Variants in MAST4 observed in about 807,000 individuals in gnomAD.
MAST4 encodes microtubule-associated serine/threonine-protein kinase 4.
In MAST4, 89 loss-of-function variants were observed where a neutral mutation model predicts 162.7. The observed-to-expected ratio is 0.55, with a 90% CI of 0.46 to 0.65. The LOEUF (loss-of-function observed/expected upper bound fraction) is 0.65, where lower values mean the gene tolerates loss of function less well. Among genes scored for constraint, MAST4 ranks in the 30% least tolerant of loss-of-function variants. The pLI is 0.00. For missense variants in MAST4, 3,153 were observed against 3,374.0 expected (o/e 0.93, Z 1.62); for synonymous variants, 1,479 against 1,361.1 (o/e 1.09, Z -1.91).
chr5:67,060,475 ATTTTTTTTT>A (rs71610552), intron 5 of MAST4, among the ~76,000 whole-genome samples: 6 of 120,600 alleles, frequency 5.0e-5, no homozygotes, highest in Non-Finnish European at 8.4e-5. Flanking sequence ...GAGTATCACA[ATTTTTTTTT>A]TTTTTTTTTT....
intron 4 of MAST4, among the ~76,000 whole-genome samples, chr5:66,974,173 G>A (rs1352254059): frequency 2.6e-5 from 4 of 152,154 alleles, no homozygotes; most frequent in Non-Finnish European, 5.9e-5. Flanking sequence ...GTTTCTTATA[G>A]CGAATATCTC....
chr5:67,157,955 G>A (rs780958161), intron 26 of MAST4, among the ~76,000 whole-genome samples: 22 of 152,204 alleles, frequency 1.4e-4, no homozygotes, highest in African/African-American at 4.8e-4. Flanking sequence ...AGAAAAGAGT[G>A]GAACTGGATT....
intron 4 of MAST4, chr5:67,001,426 A>G (rs1751280663): frequency 6.6e-6 from 1 of 151,610 alleles, no homozygotes; most frequent in African/African-American, 2.4e-5. Flanking sequence ...ATACAACCCA[A>G]ATCCTCTCAA....
At chr5:66,815,439 G>C (rs1357436486) in intron 3 of MAST4, among the ~76,000 whole-genome samples, 3 of 151,930 alleles carry the variant, frequency 2.0e-5, no homozygotes, top group African/African-American at 7.3e-5. Context: ...ATCTCTTACT[G>C]TACCTAATTT....
intron 4 of MAST4, among the ~76,000 whole-genome samples, chr5:66,911,885 A>G (rs1054906551): frequency 1.3e-5 from 2 of 152,234 alleles, no homozygotes; most frequent in African/African-American, 4.8e-5. Context: ...ATAGTGCAGA[A>G]AAAATGATTT....
At chr5:66,915,266 CAAAAAAA>C (rs70987147) in intron 4 of MAST4, among the ~76,000 whole-genome samples, 4 of 83,624 alleles carry the variant, frequency 4.8e-5, no homozygotes, top group Non-Finnish European at 1.0e-4. Context: ...ACTCTTGTCT[CAAAAAAA>C]AAAAAAAAAA....
chr5:66,749,698 C>T (rs1320971583), intron 1 of MAST4, among the ~76,000 whole-genome samples: 1 of 152,206 alleles, frequency 6.6e-6, no homozygotes, highest in Non-Finnish European at 1.5e-5. Context: ...CTGTCTTCAT[C>T]CTTACTGCCA....
At chr5:66,913,969 CTTTCTA>C (rs72061085) in intron 4 of MAST4, among the ~76,000 whole-genome samples, 5,082 of 152,204 alleles carry the variant, frequency 0.033, 148 homozygotes, top group African/African-American at 0.076. Context: ...CATTTACAGA[CTTTCTA>C]TTTCATTGAT....
intron 18 of MAST4, among the ~76,000 whole-genome samples, chr5:67,134,997 C>T (rs1019134761): frequency 3.3e-5 from 5 of 152,106 alleles, no homozygotes; most frequent in African/African-American, 1.2e-4. Context: ...AATTTAATTG[C>T]CGTCCAGTCT....
intron 7 of MAST4, among the ~76,000 whole-genome samples, chr5:67,099,961 C>G (rs1764852145): frequency 6.6e-6 from 1 of 152,180 alleles, no homozygotes; most frequent in African/African-American, 2.4e-5. Flanking sequence ...ATGCCACACA[C>G]TGATGCATTG....
chr5:66,615,794 C>A (rs746043365), intron 1 of MAST4, among the ~76,000 whole-genome samples: 1 of 152,104 alleles, frequency 6.6e-6, no homozygotes, highest in African/African-American at 2.4e-5. Flanking sequence ...GGCAACAGAG[C>A]GAGATCCTTG....
chr5:66,597,109 G>C (rs1742231827), intron 1 of MAST4, 91 bp downstream of exon 1: 1 of 1,279,114 alleles, frequency 7.8e-7, no homozygotes, highest in African/African-American at 1.6e-5. Flanking sequence ...GCAGGAGAGC[G>C]CTGTGGCCTG....
chr5:66,718,340 C>T (rs1036791328), intron 1 of MAST4, among the ~76,000 whole-genome samples: 6 of 151,924 alleles, frequency 3.9e-5, no homozygotes, highest in East Asian at 3.9e-4. Flanking sequence ...CATCTTGCTC[C>T]TTAGACACAC....
chr5:67,065,311 A>G (rs1176040481), intron 5 of MAST4, among the ~76,000 whole-genome samples: 1 of 152,144 alleles, frequency 6.6e-6, no homozygotes, highest in African/African-American at 2.4e-5. Flanking sequence ...TGACCGTCAC[A>G]GTGATTTCTG....
At chr5:66,855,160 T>C (rs376255041) in intron 3 of MAST4, among the ~76,000 whole-genome samples, 124 of 152,200 alleles carry the variant, frequency 8.1e-4, no homozygotes, top group African/African-American at 2.9e-3. Flanking sequence ...GATTGTGGGG[T>C]GGGATCCCTC....
chr5:66,866,766 T>G (rs981962835), intron 3 of MAST4, among the ~76,000 whole-genome samples: 1 of 152,234 alleles, frequency 6.6e-6, no homozygotes, highest in Non-Finnish European at 1.5e-5. Context: ...TGTTTTTTCT[T>G]TTGAGCCCGG....
At chr5:66,943,074 C>T (rs187022783) in intron 4 of MAST4, among the ~76,000 whole-genome samples, 1 of 152,054 alleles carries the variant, frequency 6.6e-6, no homozygotes, top group Non-Finnish European at 1.5e-5. Context: ...ATGACCTAAT[C>T]ACCTTCCCCT....
chr5:66,714,374 G>A (rs1326954935), intron 1 of MAST4, among the ~76,000 whole-genome samples: 1 of 152,174 alleles, frequency 6.6e-6, no homozygotes, highest in Non-Finnish European at 1.5e-5. Context: ...TTTCTCCTAA[G>A]AGAACACAAG....
At chr5:66,608,716 C>G (rs1006221073) in intron 1 of MAST4, among the ~76,000 whole-genome samples, 4 of 143,024 alleles carry the variant, frequency 2.8e-5, no homozygotes, top group African/African-American at 1.0e-4. Context: ...TTTTGAAATA[C>G]TTACATTCTT....
Sources: gnomAD v4.1 joint callset for allele counts (sites outside exome capture counted in the v4.1 genomes callset) on GRCh38, gnomAD v4.1.1 for gene constraint, MANE v1.5 for transcripts, NCBI Gene and HGNC (gene_info 2026-07-23, HGNC 2026-07-21) for gene names.